The following MAPT variants were observed in gnomAD, a reference collection of about 807,000 sequenced individuals.
The protein encoded by MAPT is microtubule associated protein tau.
MAPT carries 34 observed loss-of-function variants against 67.9 expected under a neutral mutation model. The observed-to-expected ratio is 0.50, with a 90% CI of 0.38 to 0.67. The LOEUF is 0.67. Ranked by LOEUF, MAPT falls within the 30% of genes least tolerant of loss-of-function variation. The probability of loss-of-function intolerance (pLI) is 0.00; values close to 1 mark genes in which losing one functional copy is unlikely to be tolerated. For missense variants in MAPT, 881 were observed against 1,115.2 expected, an observed-to-expected ratio of 0.79 and a Z score of 2.99; for synonymous variants, 456 against 464.5, an observed-to-expected ratio of 0.98 and a Z score of 0.23.
At position 45,963,187 on chromosome 17, in the gene MAPT, T is replaced by C. The variant is rs545752369; in HGVS notation, c.133+717T>C. On this transcript the variant is annotated intron_variant, in intron 2 of 12. Transcript: ENST00000262410. ...AAGAGTTGGTTAGCCCTGGGATTCTTACTGTAGCCACATTAATAAACAACA... is the reference window on the plus strand; with the variant it reads ...AAGAGTTGGTTAGCCCTGGGATTCTCACTGTAGCCACATTAATAAACAACA... Among the ~76,000 whole-genome samples, 7 of 152,372 alleles carry C rather than the reference T, an allele frequency of 4.6e-5. No homozygotes were observed. The East Asian group carries it at 1.2e-3, about 25-fold the overall frequency.
At chr17:45,919,462 C>T (rs1017793870) in intron 1 of MAPT, among the ~76,000 whole-genome samples, 38 of 152,198 alleles carry the variant, frequency 2.5e-4, no homozygotes, top group Non-Finnish European at 4.6e-4. Context: ...TTCGCCAGGC[C>T]GGATCCACGA....
chr17:46,007,436 A>G (rs1411774804), intron 9 of MAPT, among the ~76,000 whole-genome samples: 1 of 152,074 alleles, frequency 6.6e-6, no homozygotes, highest in Non-Finnish European at 1.5e-5. Flanking sequence ...GCAGTGAGCT[A>G]CGATGGCGCC....
rs778100102 is a variant in MAPT, at chr17:46,024,185, G to A, written c.*14G>A. On this transcript the variant is annotated 3_prime_UTR_variant, in exon 13 of 13. Transcript: ENST00000262410. ...CAGGGTTTGTGATCAGGCCCCTGGG[G>A]CGGTCAATAATTGTGGAGAGGAGAG... 4 of 1,611,698 alleles carry A rather than the reference G, an allele frequency of 2.5e-6. No individual in the cohort carries two copies. Among genetic ancestry groups the A allele is most frequent in the Admixed American group, 1.7e-5 (1 of 60,004 alleles).
At chr17:45,982,031 A>AT (rs1568274334) in intron 4 of MAPT, among the ~76,000 whole-genome samples, 1 of 147,634 alleles carries the variant, frequency 6.8e-6, no homozygotes, top group Non-Finnish European at 1.5e-5. Context: ...AAAAAAAAAA[A>AT]AAGAAAGAAA....
chr17:45,931,358 C>A (rs2066834709), intron 1 of MAPT, among the ~76,000 whole-genome samples: 1 of 152,086 alleles, frequency 6.6e-6, no homozygotes, highest in African/African-American at 2.4e-5. Context: ...TTGTTGAACT[C>A]TGTACATATA....
chr17:45,970,455 G>A (rs190095668), intron 2 of MAPT, among the ~76,000 whole-genome samples: 5 of 152,186 alleles, frequency 3.3e-5, no homozygotes, highest in East Asian at 1.9e-4. Context: ...GATTTACCAC[G>A]ATGGTCCCCT....
At chr17:45,964,221 A>C (rs1455601278) in intron 2 of MAPT, among the ~76,000 whole-genome samples, 1 of 148,100 alleles carries the variant, frequency 6.8e-6, no homozygotes, top group African/African-American at 2.5e-5. Flanking sequence ...GTTTTGTTTT[A>C]TTATACTTTA....
chr17:45,938,951 C>G (rs1208513787), intron 1 of MAPT, among the ~76,000 whole-genome samples: 3 of 151,560 alleles, frequency 2.0e-5, no homozygotes, highest in Non-Finnish European at 4.4e-5. Context: ...GGAGCTGGGA[C>G]TACAGGTGTG....
chr17:45,903,798 A>G (rs1384101935), intron 1 of MAPT, among the ~76,000 whole-genome samples: 1 of 59,804 alleles, frequency 1.7e-5, no homozygotes, highest in Non-Finnish European at 3.3e-5. Flanking sequence ...TAATATATAT[A>G]TTTATATAAT....
intron 1 of MAPT, among the ~76,000 whole-genome samples, chr17:45,939,131 A>AT (rs898242770): frequency 1.6e-4 from 25 of 151,686 alleles, no homozygotes; most frequent in Non-Finnish European, 3.1e-4. Flanking sequence ...ATTTTTAAAT[A>AT]TTTTTTTTGT....
Position 45,996,307 on chromosome 17 carries a change from C to A in MAPT, c.1733-92C>A. 1 of 1,438,556 alleles carries A rather than the reference C, an allele frequency of 7.0e-7. No homozygotes were observed. Among genetic ancestry groups the A allele is most frequent in the Non-Finnish European group, 9.7e-7 (1 of 1,034,458 alleles). The allele number at this position is 1,438,556 out of a possible 1,614,324, so 89.1% of individuals were successfully genotyped here. A position where few individuals can be genotyped will look rare whatever the true frequency, so the allele number is the denominator to read the frequency against. ...CCACCTGCCTAACCCAGTGGTGAGC[C>A]TGGGAATGGACCCACGGGACAGGCA... On this transcript the variant is annotated intron_variant, in intron 8 of 12. Coordinates refer to ENST00000262410, the MANE Select transcript of MAPT (RefSeq NM_001377265.1). The surrounding 1 kb of genome is among the most constrained non-coding windows in gnomAD (Gnocchi z 4.5).
intron 1 of MAPT, among the ~76,000 whole-genome samples, chr17:45,938,947 G>A (rs966880433): frequency 5.9e-5 from 9 of 151,676 alleles, no homozygotes; most frequent in African/African-American, 2.2e-4. Flanking sequence ...CCAAGGAGCT[G>A]GGACTACAGG....
At chr17:45,923,265 C>T (rs1568170340) in intron 1 of MAPT, among the ~76,000 whole-genome samples, 1 of 152,184 alleles carries the variant, frequency 6.6e-6, no homozygotes, top group Non-Finnish European at 1.5e-5. Context: ...GACAAAACCC[C>T]TGCCTTCCAG....
chr17:45,946,826 GA>G (rs987615372), intron 1 of MAPT, among the ~76,000 whole-genome samples: 16 of 151,816 alleles, frequency 1.1e-4, no homozygotes, highest in Non-Finnish European at 1.6e-4. Context: ...TGTCCTCTCA[GA>G]CACAATCTGG....
At chr17:45,932,631 A>G (rs1484205082) in intron 1 of MAPT, among the ~76,000 whole-genome samples, 2 of 151,970 alleles carry the variant, frequency 1.3e-5, no homozygotes, top group Non-Finnish European at 2.9e-5. Flanking sequence ...TACTCTCAAA[A>G]TAAATACGTG....
At chr17:45,998,898 CA>C (rs2074745584) in intron 9 of MAPT, among the ~76,000 whole-genome samples, 1 of 152,130 alleles carries the variant, frequency 6.6e-6, no homozygotes, top group African/African-American at 2.4e-5. Context: ...GAGGGGCCCT[CA>C]CTGGCCTTTC....
At chr17:45,991,783 T>C (rs574442868) in intron 8 of MAPT, among the ~76,000 whole-genome samples, 197 bp downstream of exon 8, 1 of 147,876 alleles carries the variant, frequency 6.8e-6, no homozygotes, top group East Asian at 2.0e-4. Context: ...ATCCCTACCT[T>C]TTTTTTTTTT....
intron 1 of MAPT, among the ~76,000 whole-genome samples, chr17:45,922,247 A>G (rs552978849): frequency 2.0e-4 from 31 of 152,240 alleles, no homozygotes; most frequent in Non-Finnish European, 3.8e-4. Context: ...GCGGCCAGCC[A>G]TAACTCTGTG....
At chr17:46,018,006 G>A (rs1363920305) in intron 11 of MAPT, among the ~76,000 whole-genome samples, 5 of 151,764 alleles carry the variant, frequency 3.3e-5, no homozygotes, top group Admixed American at 1.3e-4. Context: ...TTAGCTGGGC[G>A]TGGTGGCAGG....
Sources: allele counts gnomAD v4.1 joint callset (sites outside exome capture counted in the v4.1 genomes callset), GRCh38; gene constraint gnomAD v4.1.1; non-coding constraint Gnocchi (gnomAD v3.1); transcripts MANE v1.5; gene names NCBI Gene and HGNC (gene_info 2026-07-23, HGNC 2026-07-21).